The following HDAC9 variants were observed in gnomAD, a reference collection of about 807,000 sequenced individuals.
HDAC9 encodes MEF-2 interacting transcription repressor (MITR) protein.
A neutral mutation model predicts 139.4 loss-of-function variants in HDAC9; 41 were observed. That is an observed-to-expected ratio of 0.29 (90% CI 0.23 to 0.38). The LOEUF is 0.38. HDAC9 is among the 10% of genes least tolerant of loss of function. HDAC9 has a pLI of 1.00. For missense variants in HDAC9, 1,147 were observed against 1,297.0 expected (o/e 0.88, Z 1.78); for synonymous variants, 517 against 476.2 (o/e 1.09, Z -1.12).
intron 1 of HDAC9, among the ~76,000 whole-genome samples, chr7:18,339,386 ACTATAGGCACTTAATG>A (rs1781824235): frequency 6.6e-6 from 1 of 151,342 alleles, no homozygotes; most frequent in Admixed American, 6.6e-5. Flanking sequence ...CTTCTTTTCT[ACTATAGGCACTTAATG>A]CTATAAATTT....
chr7:18,683,673 A>G (rs1782049614), intron 12 of HDAC9, among the ~76,000 whole-genome samples: 1 of 152,076 alleles, frequency 6.6e-6, no homozygotes, highest in Admixed American at 6.6e-5. Context: ...CTTACTTCTT[A>G]TAGGTATATT....
At chr7:18,090,074 A>G (rs568117109) in intron 1 of HDAC9, among the ~76,000 whole-genome samples, 19 of 152,272 alleles carry the variant, frequency 1.2e-4, no homozygotes, top group African/African-American at 4.6e-4. Flanking sequence ...TGTTATTATA[A>G]TTCTTACACT....
chr7:18,628,341 A>G (rs1040047970), intron 6 of HDAC9, among the ~76,000 whole-genome samples: 3 of 152,170 alleles, frequency 2.0e-5, no homozygotes, highest in Admixed American at 1.3e-4. Flanking sequence ...ATCTAATCAA[A>G]TTATAAATAG....
intron 1 of HDAC9, among the ~76,000 whole-genome samples, chr7:18,124,952 T>C (rs1784567143): frequency 6.6e-6 from 1 of 151,888 alleles, no homozygotes; most frequent in Non-Finnish European, 1.5e-5. Context: ...ACAGTGGTTG[T>C]TGGGGGAAGC....
intron 2 of HDAC9, among the ~76,000 whole-genome samples, chr7:18,215,974 C>A (rs1430774238): frequency 1.3e-5 from 2 of 152,078 alleles, no homozygotes; most frequent in Admixed American, 1.3e-4. Context: ...TGTGTCATTT[C>A]TTCACTATGG....
At chr7:18,595,962 A>T (rs1356343617) in intron 6 of HDAC9, among the ~76,000 whole-genome samples, 1 of 152,104 alleles carries the variant, frequency 6.6e-6, no homozygotes, top group Admixed American at 6.6e-5. Context: ...ACACAATTTA[A>T]AAAGAAATCC....
chr7:18,256,300 A>C (rs780995413), intron 2 of HDAC9, among the ~76,000 whole-genome samples: 1 of 152,198 alleles, frequency 6.6e-6, no homozygotes, highest in Non-Finnish European at 1.5e-5. Context: ...TAAAACCATG[A>C]TGTTATAATA....
At chr7:18,985,399 T>C (rs754315398) in intron 25 of HDAC9, among the ~76,000 whole-genome samples, 2 of 152,222 alleles carry the variant, frequency 1.3e-5, no homozygotes, top group Non-Finnish European at 2.9e-5. Context: ...GGACATGAAC[T>C]CATCATTTTT....
intron 2 of HDAC9, among the ~76,000 whole-genome samples, chr7:18,193,803 G>A (rs767641768): frequency 1.5e-4 from 23 of 152,258 alleles, no homozygotes; most frequent in Admixed American, 1.3e-3. Context: ...GACTTGCCAC[G>A]TGAGGTTTTG....
chr7:18,799,090 CACACAG>C (rs1793072832), intron 17 of HDAC9, among the ~76,000 whole-genome samples: 4 of 146,130 alleles, frequency 2.7e-5, no homozygotes, highest in Non-Finnish European at 4.5e-5. Context: ...CACACACACA[CACACAG>C]AGCCCCTCGG....
intron 2 of HDAC9, among the ~76,000 whole-genome samples, chr7:18,507,295 A>G (rs1477377997): frequency 6.6e-6 from 1 of 150,954 alleles, no homozygotes; most frequent in Non-Finnish European, 1.5e-5. Flanking sequence ...GGTTCACACC[A>G]ATCTCCCACC....
chr7:18,749,516 G>T (rs572490223), intron 14 of HDAC9, among the ~76,000 whole-genome samples: 111 of 152,190 alleles, frequency 7.3e-4, no homozygotes, highest in African/African-American at 2.5e-3. Flanking sequence ...TGCCAATTTT[G>T]CCACATGGAA....
At chr7:18,439,831 A>G (rs1791579256) in intron 1 of HDAC9, among the ~76,000 whole-genome samples, 1 of 152,218 alleles carries the variant, frequency 6.6e-6, no homozygotes, top group Non-Finnish European at 1.5e-5. Flanking sequence ...CTCTGAATGT[A>G]CATACACACA....
At chr7:18,478,272 C>T (rs182455416) in intron 1 of HDAC9, among the ~76,000 whole-genome samples, 13 of 152,212 alleles carry the variant, frequency 8.5e-5, no homozygotes, top group African/African-American at 2.4e-4. Flanking sequence ...GGGGTTTCAC[C>T]GTGTTAGCCA....
intron 22 of HDAC9, among the ~76,000 whole-genome samples, chr7:18,897,636 C>T (rs941168230): frequency 6.6e-6 from 1 of 151,674 alleles, no homozygotes; most frequent in African/African-American, 2.4e-5. Context: ...GATTTGGCAA[C>T]CTAAAAGGGT....
At chr7:18,666,167 C>T in intron 11 of HDAC9, 46 bp from the exon 12 acceptor site, 2 of 1,534,484 alleles carry the variant, frequency 1.3e-6, no homozygotes, top group East Asian at 2.3e-5. Context: ...TTCTCTGTTA[C>T]CATGAAGAAC....
chr7:18,216,944 G>C (rs917014189), intron 2 of HDAC9, among the ~76,000 whole-genome samples: 1 of 151,934 alleles, frequency 6.6e-6, no homozygotes, highest in Non-Finnish European at 1.5e-5. Context: ...CTTGAGGAAG[G>C]GACTTTTTTT....
At chr7:18,569,793 C>G (rs1823640619) in intron 2 of HDAC9, among the ~76,000 whole-genome samples, 1 of 152,066 alleles carries the variant, frequency 6.6e-6, no homozygotes, top group African/African-American at 2.4e-5. Flanking sequence ...GTAGAACCTT[C>G]TGTTTCTCTA....
At chr7:18,305,146 T>C (rs982302862) in intron 1 of HDAC9, among the ~76,000 whole-genome samples, 4 of 152,182 alleles carry the variant, frequency 2.6e-5, no homozygotes, top group African/African-American at 9.7e-5. Flanking sequence ...CAGAATTCTG[T>C]ATATTTCCTC....
Sources: allele counts gnomAD v4.1 joint callset (sites outside exome capture counted in the v4.1 genomes callset), GRCh38; gene constraint gnomAD v4.1.1; transcripts MANE v1.5; gene names NCBI Gene and HGNC (gene_info 2026-07-23, HGNC 2026-07-21).